Variants in AJM1 observed in about 807,000 individuals in gnomAD.
AJM1 encodes uncharacterized protein C9orf172.
AJM1 carries 22 observed loss-of-function variants against 43.0 expected under a neutral mutation model. The ratio of observed to expected loss-of-function variants is 0.51; its 90% CI spans 0.37 to 0.73. The LOEUF (loss-of-function observed/expected upper bound fraction) is 0.73. AJM1 is among the 30% of genes least tolerant of loss of function. The pLI, the probability that AJM1 is intolerant of heterozygous loss-of-function variation, is 0.00. For synonymous variants in AJM1, 719 were observed against 638.3 expected (o/e 1.13, Z -1.91); for missense variants, 1,305 against 1,343.3 (o/e 0.97, Z 0.45).
Position 136,846,362 on chromosome 9 carries a change from G to A in AJM1, c.1948G>A (p.Asp650Asn), listed in dbSNP as rs1487518162. ...EEPAAPGEAA[D>N]ASPEPSADED... ...GCCCGCGGCCCCGGGAGAGGCGGCC[G>A]ACGCGTCCCCCGAACCCAGCGCCGA... The change falls in exon 3 of 3, where the codon GAC becomes AAC. Residue 650 changes from aspartate (D) to asparagine (N), a missense_variant. By Grantham distance (23) the Asp-to-Asn change is conservative. This residue lies in a region of AJM1 where 391 missense variants were observed against 507.5 expected (regional missense o/e 0.77). Transcript: ENST00000436881. The A allele has an allele frequency of 1.4e-6, 2 of 1,427,032 alleles. No individual in the cohort carries two copies. The highest frequency in any genetic ancestry group is 1.8e-6 in the Non-Finnish European group (2 of 1,088,852). The allele number at this position is 1,427,032 out of a possible 1,614,324, so 88.4% of individuals were successfully genotyped here.
At position 136,847,711 on chromosome 9, in the gene AJM1, G is replaced by C. The variant is rs1848800760; in HGVS notation, c.*366G>C. On this transcript the variant is annotated 3_prime_UTR_variant, in exon 3 of 3. Transcript: ENST00000436881. ...CCCCGCTGGGAGGCGGGGTGGGCCT[G>C]AGGACCGCCGAGCTCTGCCTTCACT... 1 of 242,252 alleles carries C rather than the reference G, an allele frequency of 4.1e-6. No homozygotes were observed. Among genetic ancestry groups the C allele is most frequent in the Non-Finnish European group, 7.9e-6 (1 of 126,132 alleles). The allele number at this position is 242,252 out of a possible 1,614,324, so 15.0% of individuals were successfully genotyped here. A position where few individuals can be genotyped will look rare whatever the true frequency, so the allele number is the denominator to read the frequency against.
Position 136,844,607 on chromosome 9 carries a change from G to A in AJM1, c.193G>A (p.Glu65Lys). The change falls in exon 3 of 3, where the codon GAG becomes AAG. Residue 65 changes from glutamate (E) to lysine (K), a missense_variant. Around this residue, in one of 6 missense-constraint regions of AJM1, gnomAD observed 128 missense variants for 120.6 expected, o/e 1.06. Transcript: ENST00000436881. ...GGAGGCGCTGGACGGGCCGGCCATGGAGACCCTGCCGGAGCCACCGCCGCC... is the reference window on the plus strand; with the variant it reads ...GGAGGCGCTGGACGGGCCGGCCATGAAGACCCTGCCGGAGCCACCGCCGCC... ...FLEALDGPAM[E>K]TLPEPPPPES... 2 of 1,574,420 alleles carry A rather than the reference G, an allele frequency of 1.3e-6. No individual in the cohort carries two copies. Among genetic ancestry groups the A allele is most frequent in the Non-Finnish European group, 1.7e-6 (2 of 1,162,462 alleles).
chr9:136,847,404 A>AGG lies in AJM1; in HGVS notation c.*60_*61dup. On this transcript the variant is annotated 3_prime_UTR_variant, in exon 3 of 3. Coordinates refer to ENST00000436881, the MANE Select transcript of AJM1 (RefSeq NM_001080482.5). ...GGCCCGAACCCTGCCCTGCCCACTC[A>AGG]GGCCCCGCCCGGCCCACCCAGGGCC... 7.5e-7 allele frequency: 1 copy of AGG among 1,330,156 alleles called. No homozygotes were observed. The highest frequency in any genetic ancestry group is 9.8e-7 in the Non-Finnish European group (1 of 1,024,356). The allele number at this position is 1,330,156 out of a possible 1,614,324, so 82.4% of individuals were successfully genotyped here. A position where few individuals can be genotyped will look rare whatever the true frequency, so the allele number is the denominator to read the frequency against.
In AJM1 at chr9:136,846,125, T is replaced by A; in HGVS notation, c.1711T>A (p.Ser571Thr). ...PPHAAPDGPT[S>T]GRQRSLEQLD... ...CCACGCGGCCCCCGACGGCCCCACC[T>A]CTGGCCGCCAGCGGAGCCTAGAGCA... The change falls in exon 3 of 3, where the codon TCT becomes ACT. Residue 571 changes from serine to threonine, a missense_variant. Ser to Thr is a moderately conservative substitution (Grantham distance 58). Coordinates refer to ENST00000436881, the MANE Select transcript of AJM1 (RefSeq NM_001080482.5). 1 of 1,529,328 alleles carries A rather than the reference T, an allele frequency of 6.5e-7. No individual in the cohort carries two copies. Among genetic ancestry groups the A allele is most frequent in the Non-Finnish European group, 8.7e-7 (1 of 1,143,478 alleles). The allele number at this position is 1,529,328 out of a possible 1,614,324, so 94.7% of individuals were successfully genotyped here.
chr9:136,847,315 C>G lies in AJM1; in HGVS notation c.2901C>G (p.Ala967=). The G allele has an allele frequency of 1.3e-6, 2 of 1,534,588 alleles. No homozygotes were observed. The highest frequency in any genetic ancestry group is 1.7e-6 in the Non-Finnish European group (2 of 1,145,008). Residue 967 remains alanine, a synonymous_variant, in exon 3 of 3, where the codon GCC becomes GCG. Transcript: ENST00000436881. ...AGCCGCGCGCGCTCGACTGGGTGGC[C>G]AGCGCCAACCTGCTGGACGACATCA... ...ASEPRALDWV[A]SANLLDDIM is the part of the protein sequence containing the mutation.
chr9:136,847,115 C>T lies in AJM1; in HGVS notation c.2701C>T (p.His901Tyr). ...GRRAREVAFI[H>Y]IQRELRLRGV... Reference sequence around the variant, plus strand: ...GCGCGCGCGCGAGGTGGCCTTCATCCACATCCAGCGCGAGCTGCGGCTGCG... The same window carrying T: ...GCGCGCGCGCGAGGTGGCCTTCATCTACATCCAGCGCGAGCTGCGGCTGCG... Residue 901 changes from histidine to tyrosine, a missense_variant, in exon 3 of 3, where the codon CAC becomes TAC. Transcript: ENST00000436881. 1 of 1,577,404 alleles carries T rather than the reference C, an allele frequency of 6.3e-7. No individual in the cohort carries two copies. Among genetic ancestry groups the T allele is most frequent in the Non-Finnish European group, 8.6e-7 (1 of 1,168,954 alleles).
chr9:136,845,496 T>A lies in AJM1; in HGVS notation c.1082T>A (p.Val361Asp). The change falls in exon 3 of 3, where the codon GTC (valine) becomes GAC (aspartate). Residue 361 changes from valine to aspartate, a missense_variant. By Grantham distance (152) the Val-to-Asp change is radical (BLOSUM62 -3). Around this residue, in one of 6 missense-constraint regions of AJM1, gnomAD observed 653 missense variants for 549.1 expected, o/e 1.19. Transcript: ENST00000436881. ...GGCCTGCCCTACGGGCCCCGCTATG[T>A]CCCCGAGGAGCCCCGGGCCCACTCC... ...AYGLPYGPRYVPEEPRAHSTA... is the reference protein window; with the variant it reads ...AYGLPYGPRYDPEEPRAHSTA... 2 of 1,604,030 alleles carry A rather than the reference T, an allele frequency of 1.2e-6. No individual in the cohort carries two copies. The highest frequency in any genetic ancestry group is 1.7e-6 in the Non-Finnish European group (2 of 1,176,336).
Position 136,847,849 on chromosome 9 carries a change from C to T in AJM1, c.*504C>T, listed in dbSNP as rs1848803039. The T allele has an allele frequency of 1.3e-5, 2 of 154,600 alleles. No individual in the cohort carries two copies. Among genetic ancestry groups the T allele is most frequent in the African/African-American group, 2.4e-5 (1 of 41,566 alleles). The allele number at this position is 154,600 out of a possible 1,614,324, so 9.6% of individuals were successfully genotyped here. On this transcript the variant is annotated 3_prime_UTR_variant, in exon 3 of 3. Coordinates refer to ENST00000436881, the MANE Select transcript of AJM1 (RefSeq NM_001080482.5). Reference sequence around the variant, plus strand: ...GGTTTCCCCTCGTCCAGAAGCCCGACGTAACCAAAGCCCAGTCTGTCACTT... The same window carrying T: ...GGTTTCCCCTCGTCCAGAAGCCCGATGTAACCAAAGCCCAGTCTGTCACTT...
At position 136,844,660 on chromosome 9, in the gene AJM1, C is replaced by A. The variant is rs1234366932; in HGVS notation, c.246C>A (p.Thr82=). 1 of 1,470,440 alleles carries A rather than the reference C, an allele frequency of 6.8e-7. No homozygotes were observed. The highest frequency in any genetic ancestry group is 9.0e-7 in the Non-Finnish European group (1 of 1,111,632). 91.1% of individuals were successfully genotyped at this position (1,470,440 alleles called of 1,614,324 possible). Residue 82 remains threonine (T), a synonymous_variant, in exon 3 of 3, where the codon ACC becomes ACA. Transcript: ENST00000436881. ...AGTCCGCTGTGCCGCGCGCCCGGAC[C>A]CGCGAAGCCGAGCCACGCCGCCGCG... ...PPESAVPRAR[T]REAEPRRRAR... is the part of the protein sequence containing the mutation.
rs1265734514 is a variant in AJM1 at position 136,845,923 on chromosome 9, C to T, written c.1509C>T (p.Tyr503=). ...ACCTGTCCACCTCTCCCAGACGCTA[C>T]GCCGCACTGTCCCTGTCCGAGACGT... ...VVNLSTSPRR[Y]AALSLSETSL... The change falls in exon 3 of 3, where the codon TAC becomes TAT. Residue 503 remains tyrosine (Y), a synonymous_variant. Transcript: ENST00000436881. 12 of 1,556,020 alleles carry T rather than the reference C, an allele frequency of 7.7e-6. No individual in the cohort carries two copies. Among genetic ancestry groups the T allele is most frequent in the East Asian group, 2.4e-5 (1 of 41,148 alleles).
rs760383017 is a variant in AJM1 at position 136,847,069 on chromosome 9, TCAGGACGGCGAGG to T, written c.2657_2669del (p.Gln886ArgfsTer64). The stretch of plus-strand genomic sequence containing the variant: ...CACCGCCGGGCACGGCGGGCCTGGA[TCAGGACGGCGAGG>T]CGGGCCGGCGCGCGCGCGAGGTGGC... On this transcript the variant is annotated frameshift_variant, in exon 3 of 3. Transcript: ENST00000436881. LOFTEE classifies it high-confidence loss of function. The T allele has an allele frequency of 6.9e-7, 1 of 1,441,974 alleles. No homozygotes were observed. The highest frequency in any genetic ancestry group is 1.5e-5 in the African/African-American group (1 of 67,610). 89.3% of individuals were successfully genotyped at this position (1,441,974 alleles called of 1,614,324 possible). A position where few individuals can be genotyped will look rare whatever the true frequency, so the allele number is the denominator to read the frequency against.
chr9:136,843,138 G>A (rs1451933820), intron 1 of AJM1, among the ~76,000 whole-genome samples: 1 of 152,176 alleles, frequency 6.6e-6, no homozygotes, highest in East Asian at 1.9e-4. Flanking sequence ...GCCAGACCCC[G>A]AGAGGCCCAT....
rs1456705791 is a variant in AJM1 at position 136,847,465 on chromosome 9, T to A, written c.*120T>A. The stretch of plus-strand genomic sequence containing the variant: ...CCCGCCAGGGCCCCACCCCGACTTC[T>A]TCTAGGCCCCGCCTCTAATTCCCCA... On this transcript the variant is annotated 3_prime_UTR_variant, in exon 3 of 3. Coordinates refer to ENST00000436881, the MANE Select transcript of AJM1 (RefSeq NM_001080482.5). 5.3e-6 allele frequency: 4 copies of A among 755,292 alleles called. No individual in the cohort carries two copies. The highest frequency in any genetic ancestry group is 7.8e-6 in the Non-Finnish European group (4 of 514,842). 46.8% of individuals were successfully genotyped at this position (755,292 alleles called of 1,614,324 possible). A position where few individuals can be genotyped will look rare whatever the true frequency, so the allele number is the denominator to read the frequency against.
Position 136,845,526 on chromosome 9 carries a change from C to A in AJM1, c.1112C>A (p.Ala371Asp). Reference protein sequence around the residue: ...VPEEPRAHSTARPFYTEDFGR... With the variant: ...VPEEPRAHSTDRPFYTEDFGR... ...GAGGAGCCCCGGGCCCACTCCACCG[C>A]CCGCCCCTTTTACACGGAGGACTTC... The change falls in exon 3 of 3, where the codon GCC becomes GAC. Residue 371 changes from alanine (A) to aspartate (D), a missense_variant. This residue lies in a region of AJM1 where 653 missense variants were observed against 549.1 expected (regional missense o/e 1.19). Coordinates refer to ENST00000436881, the MANE Select transcript of AJM1 (RefSeq NM_001080482.5). 1 of 1,597,814 alleles carries A rather than the reference C, an allele frequency of 6.3e-7. No individual in the cohort carries two copies. The highest frequency in any genetic ancestry group is 8.5e-7 in the Non-Finnish European group (1 of 1,173,318).
Position 136,847,127 on chromosome 9 carries a change from G to C in AJM1, c.2713G>C (p.Glu905Gln). The C allele has an allele frequency of 6.3e-7, 1 of 1,590,812 alleles. No homozygotes were observed. Among genetic ancestry groups the C allele is most frequent in the South Asian group, 1.1e-5 (1 of 89,816 alleles). ...GGTGGCCTTCATCCACATCCAGCGC[G>C]AGCTGCGGCTGCGCGGCGTCTTCCT... is the stretch of plus-strand genomic sequence containing the variant. The part of the protein sequence containing the change: ...REVAFIHIQR[E>Q]LRLRGVFLRH... Residue 905 changes from glutamate to glutamine, a missense_variant, in exon 3 of 3, where the codon GAG becomes CAG. By Grantham distance (29) the Glu-to-Gln change is conservative. This residue lies in a region of AJM1 where 116 missense variants were observed against 113.4 expected (regional missense o/e 1.02). Transcript: ENST00000436881.
In AJM1 at chr9:136,844,432, T is replaced by G; in HGVS notation, c.18T>G (p.Pro6=). The change falls in exon 3 of 3, where the codon CCT becomes CCG. Residue 6 remains proline, a synonymous_variant. Coordinates refer to ENST00000436881, the MANE Select transcript of AJM1 (RefSeq NM_001080482.5). MTRTD[P]PDLLVSTVYQ... ...CTTTTAAGATGACCCGTACGGACCC[T>G]CCGGACCTGCTGGTGTCGACCGTGT... 6.2e-7 allele frequency: 1 copy of G among 1,611,708 alleles called. No homozygotes were observed. Among genetic ancestry groups the G allele is most frequent in the Non-Finnish European group, 8.5e-7 (1 of 1,179,208 alleles).
At position 136,845,116 on chromosome 9, in the gene AJM1, G is replaced by A; in HGVS notation, c.702G>A (p.Ala234=). 1 of 1,496,198 alleles carries A rather than the reference G, an allele frequency of 6.7e-7. No homozygotes were observed. Among genetic ancestry groups the A allele is most frequent in the Non-Finnish European group, 9.2e-7 (1 of 1,092,584 alleles). The allele number at this position is 1,496,198 out of a possible 1,614,324, so 92.7% of individuals were successfully genotyped here. ...GLTVPGPRHM[A]LSRTPTPSDS... is the part of the protein sequence containing the mutation. ...CGGTGCCCGGGCCCCGCCACATGGC[G>A]CTGTCGCGCACCCCGACGCCCAGCG... Residue 234 remains alanine, a synonymous_variant, in exon 3 of 3, where the codon GCG becomes GCA. Transcript: ENST00000436881.
Position 136,842,523 on chromosome 9 carries a change from C to T in AJM1, c.-210C>T, listed in dbSNP as rs1344836904. ...GCCCGTGCCGGGGACGCAGCAGTGCCGGGGACACAGAGGAGCCGACCTGGG... is the reference window on the plus strand; with the variant it reads ...GCCCGTGCCGGGGACGCAGCAGTGCTGGGGACACAGAGGAGCCGACCTGGG... On this transcript the variant is annotated 5_prime_UTR_variant, in exon 1 of 3. Transcript: ENST00000436881. 1.3e-5 allele frequency among the ~76,000 whole-genome samples: 2 copies of T among 152,218 alleles called. No individual in the cohort carries two copies. The highest frequency in any genetic ancestry group is 2.4e-5 in the African/African-American group (1 of 41,448).
rs930580963 is a variant in AJM1, at chr9:136,844,489, C to T, written c.75C>T (p.Pro25=). ...YQDIKVATPG[P]ASKCSPCERS... is the part of the protein sequence containing the mutation. Reference sequence around the variant, plus strand: ...ACATCAAGGTGGCGACCCCGGGACCCGCGTCCAAGTGCTCGCCATGTGAGC... The same window carrying T: ...ACATCAAGGTGGCGACCCCGGGACCTGCGTCCAAGTGCTCGCCATGTGAGC... Residue 25 remains proline, a synonymous_variant, in exon 3 of 3, where the codon CCC becomes CCT. Coordinates refer to ENST00000436881, the MANE Select transcript of AJM1 (RefSeq NM_001080482.5). 6.2e-7 allele frequency: 1 copy of T among 1,610,980 alleles called. No homozygotes were observed. Among genetic ancestry groups the T allele is most frequent in the Non-Finnish European group, 8.5e-7 (1 of 1,179,150 alleles).
Sources: allele counts gnomAD v4.1 joint callset (sites outside exome capture counted in the v4.1 genomes callset), GRCh38; gene constraint gnomAD v4.1.1; regional missense constraint gnomAD v4.1.1; transcripts MANE v1.5; gene names NCBI Gene and HGNC (gene_info 2026-07-23, HGNC 2026-07-21).